HRK: variants seen among roughly 807,000 people sequenced by gnomAD.
The protein encoded by HRK is harakiri, BCL2 interacting protein, also known as activator of apoptosis harakiri.
Under a neutral mutation model 5.9 loss-of-function variants are expected in HRK, and 6 were observed. The observed-to-expected ratio is 1.02, with a 90% confidence interval of 0.56 to 2.01. The LOEUF (loss-of-function observed/expected upper bound fraction) is 2.01, where lower values mean the gene tolerates loss of function less well. Among genes scored for constraint, HRK ranks in the 30% most tolerant of loss-of-function variants. The pLI is 0.00. For synonymous variants in HRK, 85 were observed against 65.1 expected (o/e 1.31, Z -1.47); for missense variants, 133 against 128.3 (o/e 1.04, Z -0.18).
rs556343565 is a variant in HRK at position 116,871,248 on chromosome 12, C to T, written c.*56+9728G>A. 3.0e-4 allele frequency among the ~76,000 whole-genome samples: 45 copies of T among 150,336 alleles called. No individual in the cohort carries two copies. The South Asian group carries it at 9.1e-3, about 30-fold the overall frequency. On this transcript the variant is annotated intron_variant, in intron 1 of 1. Transcript: ENST00000257572. ...CTGGGATTACAGGTGTGAGCCACCA[C>T]ACCCAGCCAAAAGAACGCTAAATAT... is the stretch of plus-strand genomic sequence containing the variant.
chr12:116,861,906 C>T (rs957019102), intron 1 of HRK, among the ~76,000 whole-genome samples: 1 of 152,298 alleles, frequency 6.6e-6, no homozygotes, highest in South Asian at 2.1e-4. Context: ...TTTGTTTGTT[C>T]GTTCATTCAT....
rs913564169 is a variant in HRK, at chr12:116,879,250, A to G, written c.*56+1726T>C. On this transcript the variant is annotated intron_variant, in intron 1 of 1. Coordinates refer to ENST00000257572, the MANE Select transcript of HRK (RefSeq NM_003806.4). The surrounding 1 kb of genome is among the most constrained non-coding windows in gnomAD (Gnocchi z 5.6). ...TCTCTCCACAGTTCTATTTGATTTT[A>G]CTACCTTCCTCTCTTTCCTTCTCAT... 3 of 152,160 alleles carry G rather than the reference A, an allele frequency of 2.0e-5. No individual in the cohort carries two copies. The highest frequency in any genetic ancestry group is 4.4e-5 in the Non-Finnish European group (3 of 68,036). 9.4% of individuals were successfully genotyped at this position (152,160 alleles called of 1,614,324 possible). A position where few individuals can be genotyped will look rare whatever the true frequency, so the allele number is the denominator to read the frequency against.
chr12:116,865,223 C>T (rs140387242), intron 1 of HRK, among the ~76,000 whole-genome samples: 2 of 152,118 alleles, frequency 1.3e-5, no homozygotes, highest in Admixed American at 1.3e-4. Context: ...TGGATTCCCT[C>T]CTAAGAGGCC....
intron 1 of HRK, among the ~76,000 whole-genome samples, chr12:116,865,106 CT>C (rs1469628100): frequency 6.6e-6 from 1 of 152,176 alleles, no homozygotes; most frequent in Non-Finnish European, 1.5e-5. Flanking sequence ...TGTTGTGCCG[CT>C]TTGGGTATGG....
At chr12:116,877,921 A>T (rs542537743) in intron 1 of HRK, among the ~76,000 whole-genome samples, 1 of 152,210 alleles carries the variant, frequency 6.6e-6, no homozygotes, top group East Asian at 1.9e-4. Context: ...TTAAATTATT[A>T]TTGAGATGGA....
intron 1 of HRK, among the ~76,000 whole-genome samples, chr12:116,869,323 T>C (rs1878660884): frequency 6.6e-6 from 1 of 152,102 alleles, no homozygotes; most frequent in Admixed American, 6.6e-5. Flanking sequence ...ACACATATCA[T>C]AGGCTGTCAC....
At chr12:116,866,830 C>T (rs747788589) in intron 1 of HRK, among the ~76,000 whole-genome samples, 19 of 152,248 alleles carry the variant, frequency 1.2e-4, no homozygotes, top group Non-Finnish European at 1.9e-4. Flanking sequence ...ACAGAATCAA[C>T]GCCAAAACAA....
intron 1 of HRK, among the ~76,000 whole-genome samples, chr12:116,870,069 G>T (rs1342565420): frequency 6.6e-6 from 1 of 151,334 alleles, no homozygotes; most frequent in Non-Finnish European, 1.5e-5. Flanking sequence ...AACAGAGTGA[G>T]ACTCCATCTA....
intron 1 of HRK, among the ~76,000 whole-genome samples, chr12:116,871,419 C>A (rs1408476948): frequency 2.0e-5 from 3 of 151,470 alleles, no homozygotes; most frequent in African/African-American, 7.3e-5. Context: ...TCTCTTGCCT[C>A]AGCCTCCCAA....
rs564727123 is a variant in HRK at position 116,860,524 on chromosome 12, T to C, written c.*999A>G. ...GTGGGCTGAACTCCGAGGACACTTT[T>C]GTGGGGGTGGGGGAGATAGCAACCA... is the stretch of plus-strand genomic sequence containing the variant. On this transcript the variant is annotated 3_prime_UTR_variant, in exon 2 of 2. Transcript: ENST00000257572. 3.9e-5 allele frequency: 6 copies of C among 152,162 alleles called. No individual in the cohort carries two copies. Among genetic ancestry groups the C allele is most frequent in the African/African-American group, 1.4e-4 (6 of 41,512 alleles). The allele number at this position is 152,162 out of a possible 1,614,324, so 9.4% of individuals were successfully genotyped here. A position where few individuals can be genotyped will look rare whatever the true frequency, so the allele number is the denominator to read the frequency against.
chr12:116,865,764 T>G (rs1052536553), intron 1 of HRK, among the ~76,000 whole-genome samples: 15 of 152,184 alleles, frequency 9.9e-5, no homozygotes, highest in African/African-American at 3.6e-4. Context: ...TTTTTTGTTC[T>G]TTTCCTACCA....
chr12:116,863,981 T>C (rs1344197193), intron 1 of HRK, among the ~76,000 whole-genome samples: 1 of 152,152 alleles, frequency 6.6e-6, no homozygotes, highest in Non-Finnish European at 1.5e-5. Context: ...GGATTACAGG[T>C]GTGCGCCACC....
In HRK at chr12:116,859,478, T is replaced by C. The variant is rs1246575454; in HGVS notation, c.*2045A>G. 6.6e-6 allele frequency: 1 copy of C among 152,216 alleles called. No individual in the cohort carries two copies. The highest frequency in any genetic ancestry group is 1.5e-5 in the Non-Finnish European group (1 of 68,038). The allele number at this position is 152,216 out of a possible 1,614,324, so 9.4% of individuals were successfully genotyped here. A position where few individuals can be genotyped will look rare whatever the true frequency, so the allele number is the denominator to read the frequency against. On this transcript the variant is annotated 3_prime_UTR_variant, in exon 2 of 2. Transcript: ENST00000257572. ...GAAGCAGTGACTGTATTTCATATTA[T>C]TCTAATGAATTTGCCTTCTCTAAGT...
Position 116,879,168 on chromosome 12 carries a change from G to T in HRK, c.*56+1808C>A. 6.6e-6 allele frequency: 1 copy of T among 152,448 alleles called. No individual in the cohort carries two copies. The highest frequency in any genetic ancestry group is 1.5e-5 in the Non-Finnish European group (1 of 68,142). The allele number at this position is 152,448 out of a possible 1,614,324, so 9.4% of individuals were successfully genotyped here. A position where few individuals can be genotyped will look rare whatever the true frequency, so the allele number is the denominator to read the frequency against. On this transcript the variant is annotated intron_variant, in intron 1 of 1. Coordinates refer to ENST00000257572, the MANE Select transcript of HRK (RefSeq NM_003806.4). The surrounding 1 kb of genome is among the most constrained non-coding windows in gnomAD (Gnocchi z 5.6). ...CATCCCGCACGCCTGGTGCCGGAAG[G>T]GGAGAGCGTTTCCAATCTCCTGGAC... is the stretch of plus-strand genomic sequence containing the variant.
At chr12:116,877,789 G>A (rs1878989892) in intron 1 of HRK, among the ~76,000 whole-genome samples, 1 of 152,038 alleles carries the variant, frequency 6.6e-6, no homozygotes, top group African/African-American at 2.4e-5. Flanking sequence ...CTTAGTCTTG[G>A]GTTTTTGTTT....
intron 1 of HRK, among the ~76,000 whole-genome samples, chr12:116,872,983 T>G (rs1427226258): frequency 6.6e-6 from 1 of 151,824 alleles, no homozygotes; most frequent in Non-Finnish European, 1.5e-5. Flanking sequence ...GGGTCAAATC[T>G]AATGCAATGG....
At chr12:116,869,960 A>G (rs969846257) in intron 1 of HRK, among the ~76,000 whole-genome samples, 2 of 152,128 alleles carry the variant, frequency 1.3e-5, no homozygotes, top group Non-Finnish European at 1.5e-5. Context: ...GGCACCTGTA[A>G]TCCCAGCTAC....
At chr12:116,863,020 G>A (rs749741952) in intron 1 of HRK, among the ~76,000 whole-genome samples, 2 of 152,186 alleles carry the variant, frequency 1.3e-5, no homozygotes, top group African/African-American at 2.4e-5. Context: ...TTACAGGCAT[G>A]AGCCACCGTG....
intron 1 of HRK, among the ~76,000 whole-genome samples, chr12:116,863,964 A>C (rs1194438154): frequency 6.6e-6 from 1 of 152,162 alleles, no homozygotes; most frequent in Non-Finnish European, 1.5e-5. Flanking sequence ...GGCCTCCCAA[A>C]GTGCTAGGAT....
Sources: gnomAD v4.1 joint callset for allele counts (sites outside exome capture counted in the v4.1 genomes callset) on GRCh38, gnomAD v4.1.1 for gene constraint, Gnocchi (gnomAD v3.1) non-coding constraint, MANE v1.5 for transcripts, NCBI Gene and HGNC (gene_info 2026-07-23, HGNC 2026-07-21) for gene names.